The following GMDS variants were observed in gnomAD, a reference collection of about 807,000 sequenced individuals.
GMDS encodes GDP-mannose 4,6 dehydratase.
In GMDS, 20 loss-of-function variants were observed where a neutral mutation model predicts 49.9. That is an observed-to-expected ratio of 0.40 (90% CI 0.28 to 0.58). The LOEUF (loss-of-function observed/expected upper bound fraction) is 0.58. GMDS is among the 20% of genes least tolerant of loss of function. The probability of loss-of-function intolerance (pLI) is 0.42; values close to 1 mark genes in which losing one functional copy is unlikely to be tolerated. For missense variants in GMDS, 362 were observed against 481.4 expected (o/e 0.75, Z 2.32); for synonymous variants, 177 against 178.6 (o/e 0.99, Z 0.07).
intron 7 of GMDS, among the ~76,000 whole-genome samples, chr6:1,881,813 C>A (rs901473746): frequency 6.6e-6 from 1 of 152,132 alleles, no homozygotes; most frequent in Non-Finnish European, 1.5e-5. Flanking sequence ...CAGGATGAAG[C>A]AAAAGACATC....
At chr6:2,001,479 T>A (rs1337239019) in intron 4 of GMDS, among the ~76,000 whole-genome samples, 1 of 152,202 alleles carries the variant, frequency 6.6e-6, no homozygotes, top group South Asian at 2.1e-4. Context: ...ACACAAAGGT[T>A]TCTAATTTTT....
chr6:1,979,147 C>A (rs981935493), intron 4 of GMDS, among the ~76,000 whole-genome samples: 5 of 152,238 alleles, frequency 3.3e-5, no homozygotes, highest in African/African-American at 1.2e-4. Context: ...CCCTTTTCCT[C>A]CAAATGACTG....
intron 7 of GMDS, among the ~76,000 whole-genome samples, chr6:1,845,212 T>C (rs999276834): frequency 1.3e-5 from 2 of 152,220 alleles, no homozygotes; most frequent in African/African-American, 4.8e-5. Context: ...GATTCCTCTA[T>C]TGTACATTAA....
At chr6:1,742,378 G>C (rs1767307869) in intron 8 of GMDS, 90 bp downstream of exon 8, 1 of 728,716 alleles carries the variant, frequency 1.4e-6, no homozygotes, top group Non-Finnish European at 2.5e-6. Context: ...AGAGTGAAGG[G>C]GGAAGATGAC....
intron 3 of GMDS, 140 bp from the exon 4 acceptor site, chr6:2,116,020 T>C: frequency 1.7e-6 from 1 of 594,514 alleles, no homozygotes; most frequent in Non-Finnish European, 3.0e-6. Context: ...GGTTCTGGAG[T>C]AGCAGAATAT....
intron 9 of GMDS, among the ~76,000 whole-genome samples, chr6:1,667,588 T>A (rs938803299): frequency 6.6e-6 from 1 of 152,166 alleles, no homozygotes; most frequent in African/African-American, 2.4e-5. Flanking sequence ...TAAAACCATA[T>A]GAACATGCTG....
intron 1 of GMDS, among the ~76,000 whole-genome samples, chr6:2,159,089 A>G (rs1165320128): frequency 6.6e-6 from 1 of 152,218 alleles, no homozygotes; most frequent in East Asian, 1.9e-4. Context: ...ATGAAAGTCA[A>G]CACTTCCAGT....
intron 6 of GMDS, 158 bp downstream of exon 6, chr6:1,959,709 C>A (rs1192657990): frequency 4.9e-6 from 2 of 410,730 alleles, no homozygotes; most frequent in Non-Finnish European, 8.8e-6. Flanking sequence ...AAAACTAAGG[C>A]TGGGTATACA....
At chr6:2,167,163 C>T (rs1308290204) in intron 1 of GMDS, among the ~76,000 whole-genome samples, 1 of 152,094 alleles carries the variant, frequency 6.6e-6, no homozygotes, top group Admixed American at 6.5e-5. Flanking sequence ...CCTTGTCTTC[C>T]TTAAACTTTT....
At chr6:1,752,902 A>G (rs575404698) in intron 7 of GMDS, among the ~76,000 whole-genome samples, 1 of 152,350 alleles carries the variant, frequency 6.6e-6, no homozygotes, top group East Asian at 1.9e-4. Flanking sequence ...TATGGAAAGG[A>G]AAAACCGGTA....
At chr6:1,791,431 G>A (rs1769537848) in intron 7 of GMDS, among the ~76,000 whole-genome samples, 1 of 152,140 alleles carries the variant, frequency 6.6e-6, no homozygotes, top group Non-Finnish European at 1.5e-5. Flanking sequence ...GTGGGCTGGG[G>A]GAGAGCTCTG....
intron 1 of GMDS, among the ~76,000 whole-genome samples, chr6:2,131,047 C>G (rs1775710435): frequency 6.6e-6 from 1 of 151,960 alleles, no homozygotes. Context: ...TAATTTTCAC[C>G]TCCAATAAAA....
chr6:2,214,633 G>A (rs1780234865), intron 1 of GMDS, among the ~76,000 whole-genome samples: 2 of 152,042 alleles, frequency 1.3e-5, no homozygotes, highest in African/African-American at 4.8e-5. Context: ...TATCCTTCAT[G>A]GATACCAAGG....
chr6:2,135,724 G>C (rs916536596), intron 1 of GMDS, among the ~76,000 whole-genome samples: 2 of 152,004 alleles, frequency 1.3e-5, no homozygotes, highest in Non-Finnish European at 1.5e-5. Context: ...AGCCACATAT[G>C]TAATTTTTAA....
intron 6 of GMDS, among the ~76,000 whole-genome samples, chr6:1,952,724 G>C (rs779907455): frequency 6.6e-6 from 1 of 152,050 alleles, no homozygotes; most frequent in Admixed American, 6.5e-5. Flanking sequence ...TCAGTTAGGC[G>C]TTAGGCAAAT....
intron 4 of GMDS, among the ~76,000 whole-genome samples, chr6:2,072,372 C>T (rs754496639): frequency 3.3e-5 from 5 of 152,160 alleles, no homozygotes; most frequent in Admixed American, 1.3e-4. Flanking sequence ...TCTACAAAGG[C>T]TTAGGATGTC....
At chr6:2,164,716 C>T (rs1405068886) in intron 1 of GMDS, among the ~76,000 whole-genome samples, 3 of 152,200 alleles carry the variant, frequency 2.0e-5, no homozygotes, top group Non-Finnish European at 4.4e-5. Context: ...ATAATACAGC[C>T]AGTCACAGGA....
rs529067441 is a variant in GMDS, at chr6:2,186,491, A to G, written c.102+58830T>C. 3.3e-5 allele frequency among the ~76,000 whole-genome samples: 5 copies of G among 152,238 alleles called. No individual in the cohort carries two copies. In the South Asian group the frequency reaches 1.0e-3, roughly 31 times the overall value. ...CAACCTGGATGAAAGAGGAATCTAT[A>G]ACAAGCCCCTACAGTTACTTCTGCA... is the stretch of plus-strand genomic sequence containing the variant. On this transcript the variant is annotated intron_variant, in intron 1 of 10. Transcript: ENST00000380815.
chr6:1,650,269 G>C (rs1763611834), intron 9 of GMDS, among the ~76,000 whole-genome samples: 1 of 152,022 alleles, frequency 6.6e-6, no homozygotes, highest in Non-Finnish European at 1.5e-5. Context: ...TCCTGCCCAT[G>C]GCTCTGACAG....
Sources: gnomAD v4.1 joint callset for allele counts (sites outside exome capture counted in the v4.1 genomes callset) on GRCh38, gnomAD v4.1.1 for gene constraint, MANE v1.5 for transcripts, NCBI Gene and HGNC (gene_info 2026-07-23, HGNC 2026-07-21) for gene names.